Variants in PTPN18 observed in about 807,000 individuals in gnomAD.
PTPN18 encodes the protein protein tyrosine phosphatase non-receptor type 18, also known as tyrosine-protein phosphatase non-receptor type 18.
PTPN18 carries 65 observed loss-of-function variants against 65.4 expected under a neutral mutation model. The observed-to-expected ratio is 0.99, with a 90% CI of 0.81 to 1.22. PTPN18 has a LOEUF of 1.22. PTPN18 is among the 50% of genes most tolerant of loss of function. PTPN18 has a pLI of 0.00. For synonymous variants in PTPN18, 255 were observed against 267.8 expected (o/e 0.95, Z 0.47); for missense variants, 616 against 646.5 (o/e 0.95, Z 0.51).
intron 5 of PTPN18, among the ~76,000 whole-genome samples, chr2:130,368,595 A>G (rs2104946072): frequency 6.6e-6 from 1 of 152,240 alleles, no homozygotes; most frequent in South Asian, 2.1e-4. Context: ...TTCATGTTGT[A>G]TATATTCAGA....
chr2:130,365,457 T>C (rs1011485753), intron 5 of PTPN18, among the ~76,000 whole-genome samples: 2 of 152,262 alleles, frequency 1.3e-5, no homozygotes, highest in African/African-American at 4.8e-5. Context: ...CTTTTTATTA[T>C]TGAGTTGTAA....
chr2:130,360,017 T>G (rs1680144770), intron 5 of PTPN18: 1 of 253,596 alleles, frequency 3.9e-6, no homozygotes, highest in Non-Finnish European at 7.7e-6. Context: ...GTCTGTGCCT[T>G]GGCTATTCCT....
At chr2:130,361,022 G>A (rs1009111561) in intron 5 of PTPN18, among the ~76,000 whole-genome samples, 3 of 152,136 alleles carry the variant, frequency 2.0e-5, no homozygotes, top group African/African-American at 7.2e-5. Flanking sequence ...TTAATTTCAA[G>A]TGTACTTGAA....
At chr2:130,367,157 G>GGATTACAGGC (rs58986501) in intron 5 of PTPN18, among the ~76,000 whole-genome samples, 13,226 of 149,882 alleles carry the variant, frequency 0.088, 1,880 homozygotes, top group African/African-American at 0.31. Flanking sequence ...CAAATAGCTG[G>GGATTACAGGC]AGCAGCCACT....
At chr2:130,368,175 C>T (rs1459606670) in intron 5 of PTPN18, among the ~76,000 whole-genome samples, 3 of 151,642 alleles carry the variant, frequency 2.0e-5, no homozygotes, top group Non-Finnish European at 4.4e-5. Flanking sequence ...AAGATTTTTG[C>T]TTCTTTCCTG....
intron 5 of PTPN18, 147 bp downstream of exon 5, chr2:130,359,793 AGTTTTT>A (rs1680138579): frequency 2.0e-6 from 2 of 1,004,628 alleles, no homozygotes; most frequent in Admixed American, 5.0e-5. Context: ...TGTTCCTCTA[AGTTTTT>A]GTTGATATGT....
chr2:130,356,174 G>T lies in PTPN18; in HGVS notation c.67G>T (p.Gly23Trp). The T allele has an allele frequency of 2.3e-6, 3 of 1,312,602 alleles. No homozygotes were observed. Among genetic ancestry groups the T allele is most frequent in the Non-Finnish European group, 2.9e-6 (3 of 1,034,424 alleles). 81.3% of individuals were successfully genotyped at this position (1,312,602 alleles called of 1,614,324 possible). A position where few individuals can be genotyped will look rare whatever the true frequency, so the allele number is the denominator to read the frequency against. The change falls in exon 1 of 15, where the codon GGG (glycine) becomes TGG (tryptophan). Residue 23 changes from glycine (G) to tryptophan (W), a missense_variant. By Grantham distance (184) the Gly-to-Trp change is radical. Around this residue, in one of 3 missense-constraint regions of PTPN18, gnomAD observed 223 missense variants for 210.0 expected, o/e 1.06. Transcript: ENST00000175756. Reference sequence around the variant, plus strand: ...GCTGGAAGCGCGGGGCGGCCGGGAGGGGGCAGTCCTCGCCGGCGAGTTCAG... The same window carrying T: ...GCTGGAAGCGCGGGGCGGCCGGGAGTGGGCAGTCCTCGCCGGCGAGTTCAG... Reference protein sequence around the residue: ...ERLEARGGREGAVLAGEFSDI... With the variant: ...ERLEARGGREWAVLAGEFSDI...
chr2:130,372,441 G>C lies in PTPN18; in HGVS notation c.1198G>C (p.Gly400Arg). Residue 400 changes from glycine (G) to arginine (R), a missense_variant, in exon 13 of 15, where the codon GGG becomes CGG. Transcript: ENST00000175756. ...GGTGACGCCGCGCGCCCAGCGACCCGGGGCGCACGCGGAGGACGCGAGGGG... is the reference window on the plus strand; with the variant it reads ...GGTGACGCCGCGCGCCCAGCGACCCCGGGCGCACGCGGAGGACGCGAGGGG... ...SKVTPRAQRP[G>R]AHAEDARGTL... The C allele has an allele frequency of 1.5e-6, 2 of 1,368,524 alleles. No homozygotes were observed. Among genetic ancestry groups the C allele is most frequent in the South Asian group, 1.7e-5 (1 of 58,444 alleles). The allele number at this position is 1,368,524 out of a possible 1,614,324, so 84.8% of individuals were successfully genotyped here.
intron 5 of PTPN18, among the ~76,000 whole-genome samples, chr2:130,360,652 A>C (rs1680163356): frequency 6.6e-6 from 1 of 152,224 alleles, no homozygotes; most frequent in Admixed American, 6.5e-5. Flanking sequence ...ACAGTGGCAG[A>C]GTTGAGTAGT....
At chr2:130,362,052 CA>C in intron 5 of PTPN18, 1 of 452,412 alleles carries the variant, frequency 2.2e-6, no homozygotes. Flanking sequence ...ACTGTAACCT[CA>C]AAATCCTGGG....
intron 5 of PTPN18, among the ~76,000 whole-genome samples, chr2:130,365,581 G>A (rs1403634154): frequency 1.3e-5 from 2 of 152,194 alleles, no homozygotes; most frequent in African/African-American, 4.8e-5. Context: ...AACATTTTGT[G>A]AAACTTTAAT....
intron 12 of PTPN18, 170 bp downstream of exon 12, chr2:130,371,457 G>A (rs1268117404): frequency 6.3e-6 from 4 of 630,636 alleles, no homozygotes; most frequent in Non-Finnish European, 8.1e-6. Context: ...ATCCCAAGAT[G>A]ATTCATTTAC....
At chr2:130,367,759 A>T (rs1376463055) in intron 5 of PTPN18, among the ~76,000 whole-genome samples, 1 of 151,884 alleles carries the variant, frequency 6.6e-6, no homozygotes, top group Non-Finnish European at 1.5e-5. Flanking sequence ...GTTTAGGTTT[A>T]TTCTCCCTCT....
rs76678351 is a variant in PTPN18 at position 130,363,897 on chromosome 2, G to A, written c.414+4251G>A. 2.6e-4 allele frequency among the ~76,000 whole-genome samples: 39 copies of A among 151,202 alleles called. 2 individuals are homozygous for A. The East Asian group carries it at 6.4e-3, about 25-fold the overall frequency. ...TGGCAGCATCATTTTACATTTCCAC[G>A]GCAATGTTTGAGGGTCCCCATTTCT... On this transcript the variant is annotated intron_variant, in intron 5 of 14. Coordinates refer to ENST00000175756, the MANE Select transcript of PTPN18 (RefSeq NM_014369.4).
chr2:130,361,268 A>C (rs888991465), intron 5 of PTPN18, among the ~76,000 whole-genome samples: 2 of 152,180 alleles, frequency 1.3e-5, no homozygotes, highest in Non-Finnish European at 1.5e-5. Context: ...TATTTCTGAC[A>C]ATTTTTTTTG....
In PTPN18 at chr2:130,372,280, C is replaced by G; in HGVS notation, c.1037C>G (p.Pro346Arg). Reference sequence around the variant, plus strand: ...AGGAGCATCTCTGTGCCCGGGTCCCCGGGCCACGCCATGGCTGACACCTAC... The same window carrying G: ...AGGAGCATCTCTGTGCCCGGGTCCCGGGGCCACGCCATGGCTGACACCTAC... ...VLRSISVPGS[P>R]GHAMADTYAV... is the part of the protein sequence containing the mutation. The change falls in exon 13 of 15, where the codon CCG (proline) becomes CGG (arginine). Residue 346 changes from proline to arginine, a missense_variant. Transcript: ENST00000175756. 1 of 1,565,222 alleles carries G rather than the reference C, an allele frequency of 6.4e-7. No individual in the cohort carries two copies. Among genetic ancestry groups the G allele is most frequent in the Non-Finnish European group, 8.6e-7 (1 of 1,165,034 alleles).
intron 5 of PTPN18, among the ~76,000 whole-genome samples, chr2:130,361,510 TTCTC>T (rs1297406815): frequency 7.4e-6 from 1 of 135,942 alleles, no homozygotes; most frequent in African/African-American, 2.9e-5. Flanking sequence ...TTTCTTTTCT[TTCTC>T]TTTCTTTCTT....
At chr2:130,363,625 T>C (rs950163900) in intron 5 of PTPN18, among the ~76,000 whole-genome samples, 17 of 152,182 alleles carry the variant, frequency 1.1e-4, no homozygotes, top group African/African-American at 4.1e-4. Flanking sequence ...AGCATTTTTG[T>C]TTTGTTTTGT....
chr2:130,366,938 C>A (rs140162691), intron 5 of PTPN18, among the ~76,000 whole-genome samples: 1 of 152,196 alleles, frequency 6.6e-6, no homozygotes, highest in African/African-American at 2.4e-5. Flanking sequence ...ATCCTCCCAC[C>A]TCAGCCTGCC....
Sources: gnomAD v4.1 joint callset for allele counts (sites outside exome capture counted in the v4.1 genomes callset) on GRCh38, gnomAD v4.1.1 for gene constraint, gnomAD v4.1.1 regional missense constraint, MANE v1.5 for transcripts, NCBI Gene and HGNC (gene_info 2026-07-23, HGNC 2026-07-21) for gene names.